Variants in PLEKHG4B observed in about 807,000 individuals in gnomAD.
PLEKHG4B encodes the protein pleckstrin homology and RhoGEF domain containing G4B, also known as pleckstrin homology domain-containing family G member 4B.
A neutral mutation model predicts 121.3 loss-of-function variants in PLEKHG4B; 111 were observed. The observed-to-expected ratio is 0.92, with a 90% CI of 0.78 to 1.07. The LOEUF is 1.07. PLEKHG4B is among the 50% of genes least tolerant of loss of function. The pLI is 0.00. For synonymous variants in PLEKHG4B, 738 were observed against 725.0 expected (o/e 1.02, Z -0.29); for missense variants, 1,831 against 1,757.8 (o/e 1.04, Z -0.74).
chr5:140,921 C>T (rs113739639), intron 3 of PLEKHG4B, among the ~76,000 whole-genome samples: 21 of 42,306 alleles, frequency 5.0e-4, no homozygotes, highest in African/African-American at 1.2e-3. Context: ...CCCCTGCACA[C>T]CCCACCCCCT....
intron 3 of PLEKHG4B, 66 bp downstream of exon 3, chr5:140,782 C>A: frequency 8.2e-6 from 11 of 1,345,488 alleles, no homozygotes; most frequent in Non-Finnish European, 1.1e-5. Context: ...CACAATCTCC[C>A]CCTGCACACC....
At chr5:129,030 G>A (rs1045981970) in intron 2 of PLEKHG4B, among the ~76,000 whole-genome samples, 17 of 152,180 alleles carry the variant, frequency 1.1e-4, no homozygotes, top group South Asian at 2.1e-4. Flanking sequence ...AACCTGTGGC[G>A]TCACATGACA....
chr5:154,854 A>C (rs781622705), intron 7 of PLEKHG4B, 21 bp from the exon 8 acceptor site: 1 of 1,594,016 alleles, frequency 6.3e-7, no homozygotes, highest in Non-Finnish European at 8.6e-7. Flanking sequence ...GCCATGACCA[A>C]CGAGTGCCTC....
rs146292806 is a variant in PLEKHG4B, at chr5:104,416, C to T, written c.46-8835C>T. ...CCAGCTCTTAACATGCAGTATCCAC[C>T]GTATCCAGCATATAATAAACATTTT... On this transcript the variant is annotated intron_variant, in intron 1 of 19. Transcript: ENST00000637938. 2.2e-3 allele frequency among the ~76,000 whole-genome samples: 332 copies of T among 152,290 alleles called. 2 individuals are homozygous for T. The highest frequency in any genetic ancestry group is 7.7e-3 in the African/African-American group (321 of 41,554).
chr5:163,577 C>T (rs966147505), intron 13 of PLEKHG4B, 29 bp downstream of exon 13: 8 of 1,501,926 alleles, frequency 5.3e-6, no homozygotes, highest in Non-Finnish European at 7.1e-6. Context: ...TCCTCTCGTC[C>T]TAGCAGTCCT....
intron 13 of PLEKHG4B, among the ~76,000 whole-genome samples, chr5:163,753 A>G (rs1169378283): frequency 6.6e-6 from 1 of 152,194 alleles, no homozygotes; most frequent in Non-Finnish European, 1.5e-5. Flanking sequence ...GACCACTGAA[A>G]ACTGCCTGGA....
chr5:126,542 C>T (rs1490831825), intron 2 of PLEKHG4B, among the ~76,000 whole-genome samples: 2 of 151,906 alleles, frequency 1.3e-5, no homozygotes, highest in Non-Finnish European at 2.9e-5. Flanking sequence ...ATTATTTTTT[C>T]CATTGAATGG....
At position 117,304 on chromosome 5, in the gene PLEKHG4B, T is replaced by C. The variant is rs562143792; in HGVS notation, c.243+3856T>C. Among the ~76,000 whole-genome samples the C allele has an allele frequency of 1.9e-3, 293 of 152,332 alleles. 1 individual carries two copies. The highest frequency in any genetic ancestry group is 7.7e-3 in the South Asian group (37 of 4,828). On this transcript the variant is annotated intron_variant, in intron 2 of 19. Transcript: ENST00000637938. ...AATAGATGAATATAAACAGTTGATA[T>C]AAGTTCAATTCTGTTTTTATTCATT...
intron 18 of PLEKHG4B, among the ~76,000 whole-genome samples, chr5:177,305 T>C (rs1169800206): frequency 2.0e-5 from 3 of 152,214 alleles, no homozygotes; most frequent in African/African-American, 4.8e-5. Context: ...TCCCAGAAGT[T>C]TGTATATGTC....
At chr5:180,551 T>C (rs1405656587) in intron 18 of PLEKHG4B, among the ~76,000 whole-genome samples, 1 of 152,206 alleles carries the variant, frequency 6.6e-6, no homozygotes, top group Non-Finnish European at 1.5e-5. Flanking sequence ...GCCCAGGACA[T>C]TGGCCCTTTG....
intron 3 of PLEKHG4B, among the ~76,000 whole-genome samples, chr5:142,605 CCA>C (rs1449808948): frequency 6.6e-6 from 1 of 151,848 alleles, no homozygotes; most frequent in Non-Finnish European, 1.5e-5. Flanking sequence ...CAATCACACT[CCA>C]GAGTTCCACA....
At chr5:99,295 T>G (rs889433785) in intron 1 of PLEKHG4B, among the ~76,000 whole-genome samples, 4 of 150,266 alleles carry the variant, frequency 2.7e-5, no homozygotes, top group Non-Finnish European at 5.9e-5. Flanking sequence ...CGTTGCAGTT[T>G]TGATAGGGAT....
Position 139,122 on chromosome 5 carries a change from C to T in PLEKHG4B, c.244-361C>T, listed in dbSNP as rs933803767. Among the ~76,000 whole-genome samples, 37 of 152,276 alleles carry T rather than the reference C, an allele frequency of 2.4e-4. No individual in the cohort carries two copies. Among genetic ancestry groups the T allele is most frequent in the African/African-American group, 7.9e-4 (33 of 41,554 alleles). On this transcript the variant is annotated intron_variant, in intron 2 of 19. Transcript: ENST00000637938. The surrounding 1 kb of genome is among the most constrained non-coding windows in gnomAD (Gnocchi z 5.0). The stretch of plus-strand genomic sequence containing the variant: ...GCTGGCAGGGGCAAGTGTGGACGCC[C>T]GGCCCCTTGCCCAGGCTGGGACCAC...
chr5:162,802 G>A lies in PLEKHG4B; in HGVS notation c.2730G>A (p.Gln910=), dbSNP rs763894328. The A allele has an allele frequency of 6.7e-7, 1 of 1,500,666 alleles. No individual in the cohort carries two copies. Among genetic ancestry groups the A allele is most frequent in the Non-Finnish European group, 8.9e-7 (1 of 1,125,546 alleles). The allele number at this position is 1,500,666 out of a possible 1,614,324, so 93.0% of individuals were successfully genotyped here. The change falls in exon 13 of 20, where the codon CAG becomes CAA. Residue 910 remains glutamine (Q), a synonymous_variant. Coordinates refer to ENST00000637938, the MANE Select transcript of PLEKHG4B (RefSeq NM_052909.5). ...CTGAGTGTTTGAGGAGCTGTCACCA[G>A]GAGGCTACCTCGGTGGCTGCAGAGG... ...PVAECLRSCH[Q]EATSVAAEAF... is the part of the protein sequence containing the mutation.
rs1359987876 is a variant in PLEKHG4B at position 144,880 on chromosome 5, C to G, written c.1865C>G (p.Pro622Arg). ...GTCCTGGTGGATGCACGCAGGAGTC[C>G]AGCTGCCCCTGCCGTCTCCCAGGCC... is the stretch of plus-strand genomic sequence containing the variant. ...LVVLVDARRS[P>R]AAPAVSQALS... Residue 622 changes from proline to arginine, a missense_variant, in exon 6 of 20, where the codon CCA becomes CGA. Transcript: ENST00000637938. The G allele has an allele frequency of 1.9e-6, 3 of 1,613,402 alleles. No homozygotes were observed. The Admixed American group carries it at 5.0e-5, about 27-fold the overall frequency.
chr5:114,294 A>G (rs1356846729), intron 2 of PLEKHG4B, among the ~76,000 whole-genome samples: 1 of 152,190 alleles, frequency 6.6e-6, no homozygotes, highest in Admixed American at 6.5e-5. Context: ...GACAGGCAAT[A>G]CTGTTTGACA....
intron 13 of PLEKHG4B, among the ~76,000 whole-genome samples, chr5:164,622 G>T (rs1316583936): frequency 2.8e-5 from 4 of 143,888 alleles, no homozygotes; most frequent in Non-Finnish European, 6.2e-5. Context: ...GTAATGCTGT[G>T]ACGGAGCGGA....
intron 16 of PLEKHG4B, among the ~76,000 whole-genome samples, chr5:172,371 C>T (rs4956984): frequency 0.39 from 59,578 of 152,040 alleles, 13,605 homozygotes; most frequent in Non-Finnish European, 0.53. Flanking sequence ...TCTCTGGGGG[C>T]TGCTGTCTCC....
chr5:150,798 G>T (rs1007559160), intron 6 of PLEKHG4B, among the ~76,000 whole-genome samples: 5 of 152,322 alleles, frequency 3.3e-5, no homozygotes, highest in African/African-American at 9.6e-5. Flanking sequence ...AAATGGTACA[G>T]CCACTCTGGA....
Sources: gnomAD v4.1 joint callset for allele counts (sites outside exome capture counted in the v4.1 genomes callset) on GRCh38, gnomAD v4.1.1 for gene constraint, Gnocchi (gnomAD v3.1) non-coding constraint, MANE v1.5 for transcripts, NCBI Gene and HGNC (gene_info 2026-07-23, HGNC 2026-07-21) for gene names.